Variants in PDZK1 observed in about 807,000 individuals in gnomAD.
PDZK1 encodes PDZ domain containing 1.
PDZK1 carries 23 observed loss-of-function variants against 38.1 expected under a neutral mutation model. The observed-to-expected ratio is 0.60, with a 90% CI of 0.43 to 0.85. The LOEUF (loss-of-function observed/expected upper bound fraction) is 0.85, where lower values mean the gene tolerates loss of function less well. Among genes scored for constraint, PDZK1 ranks in the 40% least tolerant of loss-of-function variants. The pLI is 0.00. For missense variants in PDZK1, 297 were observed against 504.3 expected, an observed-to-expected ratio of 0.59 and a Z score of 3.94; for synonymous variants, 98 against 186.2, an observed-to-expected ratio of 0.53 and a Z score of 3.86.
chr1:145,703,742 A>C (rs57559273), intron 1 of PDZK1, among the ~76,000 whole-genome samples: 45 of 152,114 alleles, frequency 3.0e-4, no homozygotes, highest in African/African-American at 9.6e-4. Context: ...AAAAAGAAGT[A>C]GGTTAGACTG....
At chr1:145,679,391 C>T (rs1397430092) in intron 5 of PDZK1, among the ~76,000 whole-genome samples, 1 of 152,158 alleles carries the variant, frequency 6.6e-6, no homozygotes, top group African/African-American at 2.4e-5. Flanking sequence ...CATCCAGTCC[C>T]CATATCTAGA....
Position 145,704,464 on chromosome 1 carries a change from C to T in PDZK1, c.-3+2853G>A, listed in dbSNP as rs587738378. On this transcript the variant is annotated intron_variant, in intron 1 of 8. Coordinates refer to ENST00000417171, the MANE Select transcript of PDZK1 (RefSeq NM_001201325.2). ...TTCCGGGGGTCATGTAATAGCAAAG[C>T]TGTCTGAAGATTATCTCAATAGCAC... Among the ~76,000 whole-genome samples, 32 of 152,302 alleles carry T rather than the reference C, an allele frequency of 2.1e-4. 1 individual carries two copies. Among genetic ancestry groups the T allele is most frequent in the Non-Finnish European group, 1.3e-4 (9 of 68,024 alleles).
At chr1:145,683,788 A>AT (rs1306141142) in intron 3 of PDZK1, among the ~76,000 whole-genome samples, 2 of 150,866 alleles carry the variant, frequency 1.3e-5, no homozygotes, top group African/African-American at 2.4e-5. Flanking sequence ...AGCATACAGT[A>AT]TTTTTTCTTT....
In PDZK1 at chr1:145,677,518, T is replaced by TA. The variant is rs1215618384; in HGVS notation, c.990+930dup. ...TTCTAGGTATGATTGTTCAAGTAGC[T>TA]AAAAAAAAAAAGCCATTAATCTAAT... On this transcript the variant is annotated intron_variant, in intron 6 of 8. Coordinates refer to ENST00000417171, the MANE Select transcript of PDZK1 (RefSeq NM_001201325.2). Among the ~76,000 whole-genome samples, 1,133 of 143,072 alleles carry TA rather than the reference T, an allele frequency of 7.9e-3. 15 individuals carry two copies. Among genetic ancestry groups the TA allele is most frequent in the Admixed American group, 5.6e-3 (80 of 14,352 alleles). The allele number at this position is 143,072 out of a possible 152,430, so 93.9% of individuals were successfully genotyped here.
At chr1:145,681,523 C>T (rs1281673720) in intron 4 of PDZK1, among the ~76,000 whole-genome samples, 1 of 148,850 alleles carries the variant, frequency 6.7e-6, no homozygotes, top group South Asian at 2.1e-4. Context: ...CTCCTGACCT[C>T]GTGATCCACC....
chr1:145,705,177 A>G (rs1571649905), intron 1 of PDZK1, among the ~76,000 whole-genome samples: 1 of 151,950 alleles, frequency 6.6e-6, no homozygotes, highest in Non-Finnish European at 1.5e-5. Context: ...TGCAACCTCC[A>G]CCTCCCAGGT....
At position 145,674,265 on chromosome 1, in the gene PDZK1, G is replaced by A. The variant is rs587638610; in HGVS notation, c.991-384C>T. On this transcript the variant is annotated intron_variant, in intron 6 of 8. Transcript: ENST00000417171. ...AAATGACATATCTGACCGACTAGCCGGTACCTCATGCAGAGTACATTCTTC... is the reference window on the plus strand; with the variant it reads ...AAATGACATATCTGACCGACTAGCCAGTACCTCATGCAGAGTACATTCTTC... 275 of 985,202 alleles carry A rather than the reference G, an allele frequency of 2.8e-4. No homozygotes were observed. In the South Asian group the frequency reaches 0.011, roughly 40 times the overall value. The allele number at this position is 985,202 out of a possible 1,614,324, so 61.0% of individuals were successfully genotyped here.
At chr1:145,686,198 C>A (rs1553701638) in intron 3 of PDZK1, among the ~76,000 whole-genome samples, 1 of 152,162 alleles carries the variant, frequency 6.6e-6, no homozygotes, top group South Asian at 2.1e-4. Context: ...CTCAAAGAGT[C>A]CTCAAGTGCC....
chr1:145,673,726 A>G lies in PDZK1; in HGVS notation c.1146T>C (p.Ala382=). The part of the protein sequence containing the change: ...VDHKPKLCRL[A]KGENGYGFHL... ...GAAAGCCATAGCCATTTTCACCTTT[A>G]GCCAGCCTGCAGAGTTTAGGCTTAT... Residue 382 remains alanine, a synonymous_variant, in exon 7 of 9, where the codon GCT becomes GCC. Transcript: ENST00000417171. 6.2e-7 allele frequency: 1 copy of G among 1,611,532 alleles called. No homozygotes were observed. The highest frequency in any genetic ancestry group is 8.5e-7 in the Non-Finnish European group (1 of 1,179,744).
At chr1:145,699,343 G>C (rs906795810) in intron 1 of PDZK1, among the ~76,000 whole-genome samples, 1 of 152,148 alleles carries the variant, frequency 6.6e-6, no homozygotes, top group Non-Finnish European at 1.5e-5. Context: ...GCTTGAACCC[G>C]GGAGGTGGAG....
At position 145,687,915 on chromosome 1, in the gene PDZK1, C is replaced by A. The variant is rs376348039; in HGVS notation, c.107G>T (p.Arg36Leu). The part of the protein sequence containing the change: ...IEKDTEGHLV[R>L]VVEKCSPAEK... ...TGCTGGGCTACACTTCTCAACCACC[C>A]GGACCAGGTGGCCCTCGGTGTCCTT... Residue 36 changes from arginine to leucine, a missense_variant, in exon 2 of 9, where the codon CGG becomes CTG. By Grantham distance (102) the Arg-to-Leu change is moderately radical. Transcript: ENST00000417171. The A allele has an allele frequency of 2.5e-6, 4 of 1,613,034 alleles. No individual in the cohort carries two copies. Among genetic ancestry groups the A allele is most frequent in the Non-Finnish European group, 3.4e-6 (4 of 1,179,480 alleles).
chr1:145,693,438 A>C (rs1655399701), intron 1 of PDZK1, among the ~76,000 whole-genome samples: 1 of 152,116 alleles, frequency 6.6e-6, no homozygotes, highest in African/African-American at 2.4e-5. Flanking sequence ...AAGCAGACCT[A>C]AAGACCTAAA....
chr1:145,680,148 A>G (rs1654091076), intron 5 of PDZK1, among the ~76,000 whole-genome samples: 1 of 152,084 alleles, frequency 6.6e-6, no homozygotes, highest in Admixed American at 6.5e-5. Context: ...CTTAACCTCT[A>G]TCTCCCTTCA....
rs2101892117 is a variant in PDZK1, at chr1:145,682,483, T to G, written c.597+17A>C. On this transcript the variant is annotated intron_variant, in intron 4 of 8. Transcript: ENST00000417171. The stretch of plus-strand genomic sequence containing the variant: ...AGAGTGGAAGATAGGGTAAGAAAAG[T>G]ACCCTTTGGGGCATACCTTTTCAAC... 6.5e-7 allele frequency: 1 copy of G among 1,529,578 alleles called. No individual in the cohort carries two copies. Among genetic ancestry groups the G allele is most frequent in the South Asian group, 1.2e-5 (1 of 86,038 alleles). The allele number at this position is 1,529,578 out of a possible 1,614,324, so 94.8% of individuals were successfully genotyped here. A position where few individuals can be genotyped will look rare whatever the true frequency, so the allele number is the denominator to read the frequency against.
At chr1:145,699,354 G>A (rs1342844987) in intron 1 of PDZK1, among the ~76,000 whole-genome samples, 1 of 152,178 alleles carries the variant, frequency 6.6e-6, no homozygotes, top group Middle Eastern at 3.2e-3. Context: ...GGAGGTGGAG[G>A]TTGCAGTGAG....
chr1:145,694,390 A>T (rs1655494041), intron 1 of PDZK1, among the ~76,000 whole-genome samples: 2 of 152,160 alleles, frequency 1.3e-5, no homozygotes, highest in Non-Finnish European at 2.9e-5. Context: ...GGGGCAGGTG[A>T]AATCTGTTTG....
rs782213633 is a variant in PDZK1 at position 145,673,818 on chromosome 1, C to G, written c.1054G>C (p.Ala352Pro). The part of the protein sequence containing the change: ...QELPNGSVKE[A>P]PAPTPTSLEV... ...AGAGAAGTGGGAGTAGGAGCTGGAG[C>G]CTCCTTGACAGAGCCATTGGGCAGT... Residue 352 changes from alanine to proline, a missense_variant, in exon 7 of 9, where the codon GCT becomes CCT. Around this residue, in one of 5 missense-constraint regions of PDZK1, gnomAD observed 49 missense variants for 135.6 expected, o/e 0.36. Transcript: ENST00000417171. 3 of 1,608,128 alleles carry G rather than the reference C, an allele frequency of 1.9e-6. No homozygotes were observed. In the African/African-American group the frequency reaches 4.0e-5, roughly 22 times the overall value.
chr1:145,683,231 A>G (rs587728766), intron 3 of PDZK1, among the ~76,000 whole-genome samples: 40 of 152,344 alleles, frequency 2.6e-4, no homozygotes, highest in African/African-American at 8.9e-4. Context: ...CTGGCACTGA[A>G]CTTGACACAG....
In PDZK1 at chr1:145,672,748, C is replaced by G; in HGVS notation, c.1488G>C (p.Ser496=). The G allele has an allele frequency of 6.2e-7, 1 of 1,611,870 alleles. No homozygotes were observed. The highest frequency in any genetic ancestry group is 8.5e-7 in the Non-Finnish European group (1 of 1,179,778). ...EGIVVESNHD[S]HMAKERAHST... The stretch of plus-strand genomic sequence containing the variant: ...CACTCACCCGTTCTTTTGCCATGTG[C>G]GAGTCATGGTTTGACTCCACCACTA... The change falls in exon 8 of 9, where the codon TCG becomes TCC. Residue 496 remains serine, a synonymous_variant. Transcript: ENST00000417171.
Sources: allele counts gnomAD v4.1 joint callset (sites outside exome capture counted in the v4.1 genomes callset), GRCh38; gene constraint gnomAD v4.1.1; regional missense constraint gnomAD v4.1.1; transcripts MANE v1.5; gene names NCBI Gene and HGNC (gene_info 2026-07-23, HGNC 2026-07-21).